Variants in DOCK8 observed in about 807,000 individuals in gnomAD.
The protein encoded by DOCK8 is dedicator of cytokinesis protein 8.
DOCK8 carries 141 observed loss-of-function variants against 245.6 expected under a neutral mutation model. The ratio of observed to expected loss-of-function variants is 0.57; its 90% CI spans 0.50 to 0.66. The LOEUF (loss-of-function observed/expected upper bound fraction) is 0.66. Ranked by LOEUF, DOCK8 falls within the 30% of genes least tolerant of loss-of-function variation. The pLI is 0.00. For missense variants in DOCK8, 2,965 were observed against 2,603.4 expected (o/e 1.14, Z -3.02); for synonymous variants, 1,168 against 970.2 (o/e 1.20, Z -3.79).
intron 1 of DOCK8, among the ~76,000 whole-genome samples, chr9:226,930 G>T (rs2047002244): frequency 6.6e-6 from 1 of 152,124 alleles, no homozygotes; most frequent in Admixed American, 6.6e-5. Flanking sequence ...TAGCCAGAAA[G>T]CTATATGCGT....
chr9:278,263 A>G (rs1586577442), intron 2 of DOCK8, among the ~76,000 whole-genome samples: 2 of 152,258 alleles, frequency 1.3e-5, no homozygotes, highest in Non-Finnish European at 2.9e-5. Flanking sequence ...CATCAGTGCT[A>G]GATTGTTGTT....
chr9:342,830 C>G (rs1377325483), intron 14 of DOCK8, among the ~76,000 whole-genome samples: 1 of 152,110 alleles, frequency 6.6e-6, no homozygotes, highest in Non-Finnish European at 1.5e-5. Flanking sequence ...TATTCATTTC[C>G]TTGTTGATAC....
Position 390,503 on chromosome 9 carries a change from G to C in DOCK8, c.2907G>C (p.Val969=). Residue 969 remains valine, a synonymous_variant, in exon 24 of 48, where the codon GTG becomes GTC. Coordinates refer to ENST00000432829, the MANE Select transcript of DOCK8 (RefSeq NM_203447.4). ...HFHEELALQM[V]VSTGMVRETV... ...ATGAGGAGCTTGCCCTTCAGATGGTGGTCAGCACCGGAATGGTGAGAGAAA... is the reference window on the plus strand; with the variant it reads ...ATGAGGAGCTTGCCCTTCAGATGGTCGTCAGCACCGGAATGGTGAGAGAAA... 6.2e-7 allele frequency: 1 copy of C among 1,614,160 alleles called. No homozygotes were observed. Among genetic ancestry groups the C allele is most frequent in the Non-Finnish European group, 8.5e-7 (1 of 1,180,012 alleles).
chr9:414,090 C>G (rs958521795), intron 28 of DOCK8, among the ~76,000 whole-genome samples: 1 of 149,076 alleles, frequency 6.7e-6, no homozygotes, highest in East Asian at 2.0e-4. Flanking sequence ...TGCAGTGAGC[C>G]GAGATCGTGT....
intron 1 of DOCK8, among the ~76,000 whole-genome samples, chr9:244,338 C>T (rs1294535804): frequency 6.6e-6 from 1 of 151,904 alleles, no homozygotes; most frequent in Non-Finnish European, 1.5e-5. Flanking sequence ...AACTTCATTT[C>T]CATTTCCAAT....
At chr9:374,451 G>GTTTTTT (rs1563980130) in intron 18 of DOCK8, among the ~76,000 whole-genome samples, 1 of 83,594 alleles carries the variant, frequency 1.2e-5, no homozygotes, top group African/African-American at 4.2e-5. Flanking sequence ...TGGTCCTTTT[G>GTTTTTT]TGTTTTTTTT....
At chr9:384,363 T>C (rs889958821) in intron 22 of DOCK8, among the ~76,000 whole-genome samples, 1 of 152,204 alleles carries the variant, frequency 6.6e-6, no homozygotes, top group African/African-American at 2.4e-5. Context: ...TAGAGTAATA[T>C]CATTTCCCCT....
In DOCK8 at chr9:370,010, C is replaced by A. The variant is rs549965174; in HGVS notation, c.1798-220C>A. On this transcript the variant is annotated intron_variant, in intron 15 of 47. Coordinates refer to ENST00000432829, the MANE Select transcript of DOCK8 (RefSeq NM_203447.4). ...TAGAGATGAGGTTTCGCCATGTTGC[C>A]CAGGCTGGTCTCCAACTCCTGGGCT... The A allele has an allele frequency of 9.0e-5, 53 of 589,332 alleles. No individual in the cohort carries two copies. In the East Asian group the frequency reaches 1.5e-3, roughly 17 times the overall value. The allele number at this position is 589,332 out of a possible 1,614,324, so 36.5% of individuals were successfully genotyped here.
At chr9:360,883 G>A (rs1314085403) in intron 14 of DOCK8, among the ~76,000 whole-genome samples, 1 of 152,150 alleles carries the variant, frequency 6.6e-6, no homozygotes, top group Non-Finnish European at 1.5e-5. Context: ...ATTTCAGCTG[G>A]TCACAGTGGC....
intron 1 of DOCK8, among the ~76,000 whole-genome samples, chr9:270,375 C>T (rs540765695): frequency 3.9e-5 from 6 of 152,280 alleles, no homozygotes; most frequent in East Asian, 1.9e-4. Context: ...CTTGTCCTGC[C>T]GTGAGTTATG....
At chr9:282,106 C>T (rs2048613729) in intron 2 of DOCK8, among the ~76,000 whole-genome samples, 1 of 152,164 alleles carries the variant, frequency 6.6e-6, no homozygotes, top group Non-Finnish European at 1.5e-5. Context: ...TCAAATTCCC[C>T]CCACCAAATA....
chr9:386,471 A>T, intron 23 of DOCK8, 45 bp downstream of exon 23: 1 of 1,554,464 alleles, frequency 6.4e-7, no homozygotes. Context: ...ATAAGAACAG[A>T]AGGATTTCCT....
intron 1 of DOCK8, among the ~76,000 whole-genome samples, chr9:248,342 C>A (rs969850439): frequency 2.6e-5 from 4 of 152,212 alleles, no homozygotes; most frequent in Non-Finnish European, 5.9e-5. Context: ...TGACTCATTA[C>A]CAATTTTATT....
intron 1 of DOCK8, among the ~76,000 whole-genome samples, chr9:225,441 C>T (rs2046970303): frequency 6.6e-6 from 1 of 152,098 alleles, no homozygotes; most frequent in Non-Finnish European, 1.5e-5. Flanking sequence ...GAGCCACAGT[C>T]ATTCCGATGT....
At chr9:250,951 G>C (rs1458552950) in intron 1 of DOCK8, among the ~76,000 whole-genome samples, 1 of 152,178 alleles carries the variant, frequency 6.6e-6, no homozygotes, top group Non-Finnish European at 1.5e-5. Flanking sequence ...AGGGGAAGGG[G>C]AGAGAATGAG....
intron 24 of DOCK8, among the ~76,000 whole-genome samples, chr9:394,139 G>T (rs1334212502): frequency 6.6e-6 from 1 of 152,158 alleles, no homozygotes; most frequent in Non-Finnish European, 1.5e-5. Context: ...CCCACGTAAT[G>T]ATCCCCTTGT....
chr9:404,976 G>T lies in DOCK8; in HGVS notation c.3293G>T (p.Arg1098Ile). ...ATTTCCATGAGGCTAGAGTTCCTGA[G>T]AATCCTCTGTAGCCATGAGCATTAC... is the stretch of plus-strand genomic sequence containing the variant. ...TLISMRLEFL[R>I]ILCSHEHYLN... The change falls in exon 27 of 48, where the codon AGA becomes ATA. Residue 1098 changes from arginine to isoleucine, a missense_variant. Physicochemically the swap from Arg to Ile is moderately conservative, Grantham distance 97. Coordinates refer to ENST00000432829, the MANE Select transcript of DOCK8 (RefSeq NM_203447.4). 6.2e-7 allele frequency: 1 copy of T among 1,614,056 alleles called. No homozygotes were observed. The highest frequency in any genetic ancestry group is 1.6e-4 in the Middle Eastern group (1 of 6,062).
intron 1 of DOCK8, among the ~76,000 whole-genome samples, chr9:231,508 C>T (rs1266523609): frequency 1.3e-5 from 2 of 152,086 alleles, no homozygotes; most frequent in Non-Finnish European, 1.5e-5. Flanking sequence ...GCCATTTTCA[C>T]GATATTGATT....
rs150571330 is a variant in DOCK8, at chr9:391,577, G to A, written c.2970+1011G>A. The stretch of plus-strand genomic sequence containing the variant: ...GAATAATAGTGATAACTATTTTTTT[G>A]TTTAATTATTAATGGAAGCAAAAGG... On this transcript the variant is annotated intron_variant, in intron 24 of 47. Transcript: ENST00000432829. Among the ~76,000 whole-genome samples, 386 of 151,982 alleles carry A rather than the reference G, an allele frequency of 2.5e-3. 1 individual carries two copies. Among genetic ancestry groups the A allele is most frequent in the Non-Finnish European group, 2.9e-3 (200 of 67,970 alleles).
Sources: allele counts gnomAD v4.1 joint callset (sites outside exome capture counted in the v4.1 genomes callset), GRCh38; gene constraint gnomAD v4.1.1; transcripts MANE v1.5; gene names NCBI Gene and HGNC (gene_info 2026-07-23, HGNC 2026-07-21).